Variants in HMBOX1 observed in about 807,000 individuals in gnomAD.
HMBOX1 encodes the protein homeobox containing 1, also known as homeobox-containing protein 1.
In HMBOX1, 14 loss-of-function variants were observed where a neutral mutation model predicts 54.5. That is an observed-to-expected ratio of 0.26 (90% CI 0.17 to 0.40). The LOEUF is 0.40. Ranked by LOEUF, HMBOX1 falls within the 10% of genes least tolerant of loss-of-function variation. HMBOX1 has a pLI of 1.00. For synonymous variants in HMBOX1, 160 were observed against 181.0 expected (o/e 0.88, Z 0.93); for missense variants, 332 against 514.4 (o/e 0.65, Z 3.43).
intron 5 of HMBOX1, among the ~76,000 whole-genome samples, chr8:29,012,627 G>C (rs939796692): frequency 1.3e-5 from 2 of 152,180 alleles, no homozygotes; most frequent in Non-Finnish European, 2.9e-5. Context: ...CTCTGTGGAG[G>C]GGAACTGAGT....
chr8:29,002,472 A>G (rs1285875616), intron 4 of HMBOX1, among the ~76,000 whole-genome samples: 5 of 152,214 alleles, frequency 3.3e-5, no homozygotes, highest in Non-Finnish European at 2.9e-5. Flanking sequence ...TAGTAAGACC[A>G]GAAGGATCAT....
intron 6 of HMBOX1, among the ~76,000 whole-genome samples, chr8:29,022,078 G>GA (rs1279139071): frequency 1.3e-5 from 2 of 152,148 alleles, no homozygotes; most frequent in African/African-American, 4.8e-5. Context: ...CAATATCAAG[G>GA]AAAATTACCT....
intron 1 of HMBOX1, among the ~76,000 whole-genome samples, chr8:28,943,910 C>G (rs1821922517): frequency 6.6e-6 from 1 of 152,148 alleles, no homozygotes; most frequent in African/African-American, 2.4e-5. Context: ...TTATATGCAG[C>G]CTCCCAACTT....
At chr8:28,925,283 G>C (rs914928506) in intron 1 of HMBOX1, among the ~76,000 whole-genome samples, 8 of 152,156 alleles carry the variant, frequency 5.3e-5, no homozygotes, top group African/African-American at 1.4e-4. Flanking sequence ...TAAGAACTTA[G>C]CTCCTGAATA....
At chr8:29,006,137 C>CA (rs1437121651) in intron 4 of HMBOX1, among the ~76,000 whole-genome samples, 1 of 151,852 alleles carries the variant, frequency 6.6e-6, no homozygotes, top group Non-Finnish European at 1.5e-5. Context: ...GGACTACAGG[C>CA]ACACACCACC....
chr8:28,937,428 A>G (rs1306379087), intron 1 of HMBOX1, among the ~76,000 whole-genome samples: 1 of 152,210 alleles, frequency 6.6e-6, no homozygotes, highest in Non-Finnish European at 1.5e-5. Flanking sequence ...CAGTTTCTGT[A>G]TGACATGGAA....
chr8:28,957,347 G>A (rs1011416360), intron 1 of HMBOX1, among the ~76,000 whole-genome samples: 8 of 152,144 alleles, frequency 5.3e-5, no homozygotes, highest in African/African-American at 1.4e-4. Flanking sequence ...ATAAGTGGGT[G>A]CTAAACTTTG....
chr8:29,037,709 A>G (rs1225277411), intron 6 of HMBOX1, among the ~76,000 whole-genome samples: 2 of 152,230 alleles, frequency 1.3e-5, no homozygotes, highest in East Asian at 3.8e-4. Flanking sequence ...CCTCTTATTT[A>G]GTACCCAGTC....
chr8:28,970,601 A>G lies in HMBOX1; in HGVS notation c.500+82A>G. ...TTAAGTAGTATGCTGCGTTTCAGCT[A>G]CTTAGCTATAAGAACTGTAACTTCC... On this transcript the variant is annotated intron_variant, in intron 3 of 9. Transcript: ENST00000287701. The surrounding 1 kb of genome is among the most constrained non-coding windows in gnomAD (Gnocchi z 4.3). 1.2e-6 allele frequency: 1 copy of G among 843,048 alleles called. No homozygotes were observed. The highest frequency in any genetic ancestry group is 1.9e-6 in the Non-Finnish European group (1 of 537,476). The allele number at this position is 843,048 out of a possible 1,614,324, so 52.2% of individuals were successfully genotyped here. A position where few individuals can be genotyped will look rare whatever the true frequency, so the allele number is the denominator to read the frequency against.
At chr8:28,908,727 T>C (rs941188987) in intron 1 of HMBOX1, among the ~76,000 whole-genome samples, 17 of 152,018 alleles carry the variant, frequency 1.1e-4, no homozygotes, top group African/African-American at 3.4e-4. Context: ...GATTGTGCCA[T>C]TGGACTCCAG....
At chr8:28,993,378 A>G (rs2132629032) in intron 4 of HMBOX1, among the ~76,000 whole-genome samples, 1 of 152,264 alleles carries the variant, frequency 6.6e-6, no homozygotes, top group East Asian at 1.9e-4. Flanking sequence ...CTATAGAAAT[A>G]TTTGCTTATG....
intron 4 of HMBOX1, among the ~76,000 whole-genome samples, chr8:29,001,234 A>G (rs1004442146): frequency 7.2e-5 from 11 of 152,320 alleles, no homozygotes; most frequent in African/African-American, 2.6e-4. Flanking sequence ...GAAGAAATCT[A>G]TACCCAAAGT....
At chr8:28,995,466 C>T (rs1418074811) in intron 4 of HMBOX1, among the ~76,000 whole-genome samples, 1 of 152,134 alleles carries the variant, frequency 6.6e-6, no homozygotes, top group Admixed American at 6.5e-5. Flanking sequence ...CTGCTATGAA[C>T]ATTTGTAGAT....
chr8:29,026,650 G>T (rs1458125895), intron 6 of HMBOX1, among the ~76,000 whole-genome samples: 1 of 152,140 alleles, frequency 6.6e-6, no homozygotes, highest in Non-Finnish European at 1.5e-5. Context: ...GGCAGTCAAG[G>T]CTCAAAGAGG....
chr8:28,971,875 C>T (rs1425280282), intron 3 of HMBOX1, among the ~76,000 whole-genome samples: 1 of 152,056 alleles, frequency 6.6e-6, no homozygotes, highest in Non-Finnish European at 1.5e-5. Flanking sequence ...AAATTAGTTA[C>T]AGTAGATTAT....
chr8:29,021,720 C>T (rs1362572232), intron 6 of HMBOX1, among the ~76,000 whole-genome samples: 3 of 151,666 alleles, frequency 2.0e-5, no homozygotes, highest in Non-Finnish European at 1.5e-5. Flanking sequence ...ATTAGCCGGG[C>T]GTGGTGGCGG....
intron 3 of HMBOX1, among the ~76,000 whole-genome samples, chr8:28,976,563 T>G (rs1828407584): frequency 6.6e-6 from 1 of 152,158 alleles, no homozygotes; most frequent in Non-Finnish European, 1.5e-5. Context: ...TGCTTTTATT[T>G]TATCAGATGA....
At chr8:29,042,571 C>G in intron 6 of HMBOX1, 1 of 449,298 alleles carries the variant, frequency 2.2e-6, no homozygotes, top group Non-Finnish European at 4.5e-6. Flanking sequence ...AATGAGGGTT[C>G]CAGTTAAGGT....
intron 1 of HMBOX1, among the ~76,000 whole-genome samples, chr8:28,905,374 C>CAGAG (rs909522975): frequency 6.6e-6 from 1 of 150,856 alleles, no homozygotes; most frequent in Admixed American, 6.6e-5. Context: ...CACACACACG[C>CAGAG]AGAGAGAGAG....
Sources: allele counts gnomAD v4.1 joint callset (sites outside exome capture counted in the v4.1 genomes callset), GRCh38; gene constraint gnomAD v4.1.1; non-coding constraint Gnocchi (gnomAD v3.1); transcripts MANE v1.5; gene names NCBI Gene and HGNC (gene_info 2026-07-23, HGNC 2026-07-21).